DRC11: variants seen among roughly 807,000 people sequenced by gnomAD.
The protein encoded by DRC11 is dynein regulatory complex subunit 11, also known as IQ and AAA domain-containing protein 1.
chr2:236,468,850 A>G, the DRC11 span, among the ~76,000 whole-genome samples: 2 of 152,228 alleles, frequency 1.3e-5, no homozygotes, highest in Non-Finnish European at 2.9e-5. Context: ...TAATGTCACA[A>G]TTATCTACTG....
chr2:236,485,981 G>A, the DRC11 span, among the ~76,000 whole-genome samples: 1 of 152,176 alleles, frequency 6.6e-6, no homozygotes, highest in Non-Finnish European at 1.5e-5. Context: ...AGTGTGGGTG[G>A]CCCCTATAAC....
At chr2:236,383,748 T>C in the DRC11 span, among the ~76,000 whole-genome samples, 36 of 152,126 alleles carry the variant, frequency 2.4e-4, 1 homozygote, top group Non-Finnish European at 8.8e-5. Flanking sequence ...TGTGCCATGC[T>C]GGTGCGCTGC....
chr2:236,331,745 C>A, the DRC11 span: 2 of 633,442 alleles, frequency 3.2e-6, no homozygotes, highest in South Asian at 4.0e-5. The surrounding 1 kb of genome is among the most constrained non-coding windows in gnomAD (Gnocchi z 4.8). Context: ...GAACCGAAGC[C>A]AAGTAACTAA....
At chr2:236,459,233 T>G in the DRC11 span, among the ~76,000 whole-genome samples, 2 of 152,158 alleles carry the variant, frequency 1.3e-5, no homozygotes, top group Non-Finnish European at 2.9e-5. Context: ...ACCAAAAGAT[T>G]ATTTAACCTC....
chr2:236,378,172 T>G, the DRC11 span, among the ~76,000 whole-genome samples: 286 of 152,310 alleles, frequency 1.9e-3, 1 homozygote, highest in South Asian at 5.2e-3. Flanking sequence ...TTGTATTGCA[T>G]CAAACATTTA....
At chr2:236,455,704 G>A in the DRC11 span, among the ~76,000 whole-genome samples, 5 of 152,256 alleles carry the variant, frequency 3.3e-5, no homozygotes, top group East Asian at 1.9e-4. This position sits in a 1 kb window ranked among gnomAD's most constrained non-coding sequence, Gnocchi z 5.7. Context: ...AGCTGAACTC[G>A]CAGAACTGTA....
At chr2:236,493,719 G>T in the DRC11 span, 2 of 1,451,880 alleles carry the variant, frequency 1.4e-6, no homozygotes, top group East Asian at 2.4e-5. Context: ...AGCAGAAAAA[G>T]GAAGTTACAC....
At chr2:236,500,026 A>G in the DRC11 span, among the ~76,000 whole-genome samples, 1 of 152,052 alleles carries the variant, frequency 6.6e-6, no homozygotes, top group African/African-American at 2.4e-5. The surrounding 1 kb of genome is among the most constrained non-coding windows in gnomAD (Gnocchi z 6.3). Context: ...TGCTTTTTTC[A>G]CCTTTCTGGC....
the DRC11 span, chr2:236,344,433 G>T: frequency 3.0e-6 from 2 of 656,490 alleles, no homozygotes; most frequent in Admixed American, 2.6e-5. Flanking sequence ...CCACTACAGA[G>T]AGCCCCAGTG....
At chr2:236,437,187 C>A in the DRC11 span, among the ~76,000 whole-genome samples, 1 of 143,058 alleles carries the variant, frequency 7.0e-6, no homozygotes, top group Non-Finnish European at 1.5e-5. Context: ...TGAGAATATG[C>A]GGTGTTTGGT....
the DRC11 span, among the ~76,000 whole-genome samples, chr2:236,483,091 T>C: frequency 6.6e-6 from 1 of 152,192 alleles, no homozygotes; most frequent in Admixed American, 6.5e-5. The surrounding 1 kb of genome is among the most constrained non-coding windows in gnomAD (Gnocchi z 4.8). Flanking sequence ...TCTGCCCTCA[T>C]GAGTTTGACT....
chr2:236,325,193 CG>C, the DRC11 span, among the ~76,000 whole-genome samples: 1 of 152,092 alleles, frequency 6.6e-6, no homozygotes, highest in Non-Finnish European at 1.5e-5. The surrounding 1 kb of genome is among the most constrained non-coding windows in gnomAD (Gnocchi z 4.4). Flanking sequence ...GTTGAAACCA[CG>C]GTAGAAATAA....
At chr2:236,431,107 A>C in the DRC11 span, among the ~76,000 whole-genome samples, 1 of 152,182 alleles carries the variant, frequency 6.6e-6, no homozygotes, top group South Asian at 2.1e-4. The surrounding 1 kb of genome is among the most constrained non-coding windows in gnomAD (Gnocchi z 4.2). Context: ...CAAGTATATC[A>C]AGTTGTGTTC....
At chr2:236,451,372 T>C in the DRC11 span, among the ~76,000 whole-genome samples, 3 of 151,632 alleles carry the variant, frequency 2.0e-5, no homozygotes, top group East Asian at 5.8e-4. Flanking sequence ...CATATATATA[T>C]ATATAGATAT....
At chr2:236,307,217 A>G in the DRC11 span, among the ~76,000 whole-genome samples, 1 of 152,134 alleles carries the variant, frequency 6.6e-6, no homozygotes, top group East Asian at 1.9e-4. The surrounding 1 kb of genome is among the most constrained non-coding windows in gnomAD (Gnocchi z 7.0). Flanking sequence ...TGGATCGTCA[A>G]TGCTCAGGAC....
At chr2:236,495,818 AC>A in the DRC11 span, among the ~76,000 whole-genome samples, 1 of 152,164 alleles carries the variant, frequency 6.6e-6, no homozygotes, top group African/African-American at 2.4e-5. This position sits in a 1 kb window ranked among gnomAD's most constrained non-coding sequence, Gnocchi z 5.6. Context: ...CGCCCTCTGC[AC>A]GAAGGCTTCC....
the DRC11 span, among the ~76,000 whole-genome samples, chr2:236,391,775 G>T: frequency 6.6e-6 from 1 of 152,200 alleles, no homozygotes; most frequent in African/African-American, 2.4e-5. This position sits in a 1 kb window ranked among gnomAD's most constrained non-coding sequence, Gnocchi z 4.5. Context: ...CTCTCAGATG[G>T]TTGGGTTTAT....
the DRC11 span, among the ~76,000 whole-genome samples, chr2:236,452,691 C>T: frequency 6.6e-6 from 1 of 152,216 alleles, no homozygotes; most frequent in African/African-American, 2.4e-5. This position sits in a 1 kb window ranked among gnomAD's most constrained non-coding sequence, Gnocchi z 4.7. Context: ...CGGCACCTTA[C>T]AAAATCTGAT....
the DRC11 span, among the ~76,000 whole-genome samples, chr2:236,349,641 C>T: frequency 6.6e-6 from 1 of 152,202 alleles, no homozygotes; most frequent in African/African-American, 2.4e-5. This position sits in a 1 kb window ranked among gnomAD's most constrained non-coding sequence, Gnocchi z 5.5. Flanking sequence ...TCAAATACCA[C>T]TTATTCTCAC....
Sources: gnomAD v4.1 joint callset for allele counts (sites outside exome capture counted in the v4.1 genomes callset) on GRCh38, gnomAD v4.1.1 for gene constraint, Gnocchi (gnomAD v3.1) non-coding constraint, MANE v1.5 for transcripts, NCBI Gene and HGNC (gene_info 2026-07-23, HGNC 2026-07-21) for gene names.